The following PARVB variants were observed in gnomAD, a reference collection of about 807,000 sequenced individuals.
The protein encoded by PARVB is beta-parvin.
In PARVB, 46 loss-of-function variants were observed where a neutral mutation model predicts 47.0. The observed-to-expected ratio is 0.98, with a 90% CI of 0.77 to 1.25. The LOEUF is 1.25. PARVB is among the 50% of genes most tolerant of loss of function. The pLI is 0.00. For missense variants in PARVB, 473 were observed against 471.6 expected (o/e 1.00, Z -0.03); for synonymous variants, 196 against 196.3 (o/e 1.00, Z 0.01).
chr22:44,016,693 T>TC (rs2050586955), intron 2 of PARVB, among the ~76,000 whole-genome samples: 1 of 152,168 alleles, frequency 6.6e-6, no homozygotes, highest in South Asian at 2.1e-4. Context: ...GGGTCTTTTT[T>TC]CCCCTGGGGC....
chr22:44,021,204 C>T (rs193021581), upstream of PARVB, among the ~76,000 whole-genome samples: 2 of 152,296 alleles, frequency 1.3e-5, no homozygotes, highest in East Asian at 3.9e-4. Context: ...TGGTGAAGCC[C>T]CGCAAGGCCT....
chr22:44,078,777 T>C (rs1601569062), intron 1 of PARVB, among the ~76,000 whole-genome samples: 1 of 152,226 alleles, frequency 6.6e-6, no homozygotes, highest in East Asian at 1.9e-4. Flanking sequence ...CAGGCTGGAG[T>C]GCAATGGCGA....
chr22:44,073,598 T>C (rs182937716), intron 1 of PARVB, among the ~76,000 whole-genome samples: 32 of 152,160 alleles, frequency 2.1e-4, no homozygotes, highest in African/African-American at 7.5e-4. Context: ...AGATGAAAGG[T>C]GTCACTGTCC....
chr22:44,129,486 G>A (rs1254730592), intron 4 of PARVB, among the ~76,000 whole-genome samples: 3 of 152,162 alleles, frequency 2.0e-5, no homozygotes, highest in South Asian at 2.1e-4. Context: ...CAGGTGCAAC[G>A]GGGGCGCGTC....
intron 1 of PARVB, among the ~76,000 whole-genome samples, chr22:44,041,632 T>G (rs1435793537): frequency 6.6e-6 from 1 of 152,146 alleles, no homozygotes; most frequent in African/African-American, 2.4e-5. Flanking sequence ...GCCTGTAATC[T>G]CAGCACTTTA....
upstream of PARVB, among the ~76,000 whole-genome samples, chr22:44,020,070 G>A (rs1053341029): frequency 7.9e-5 from 12 of 152,136 alleles, no homozygotes; most frequent in South Asian, 2.1e-4. Context: ...GTTCTGCAGC[G>A]GCGCCAGCTG....
At chr22:44,146,100 T>G (rs1201410108) in intron 8 of PARVB, 1 of 148,398 alleles carries the variant, frequency 6.7e-6, no homozygotes, top group Non-Finnish European at 1.5e-5. Flanking sequence ...CACGCACACA[T>G]GCGCTCACAC....
At chr22:44,030,797 AT>A (rs1187504767) in intron 1 of PARVB, among the ~76,000 whole-genome samples, 3 of 151,796 alleles carry the variant, frequency 2.0e-5, no homozygotes, top group Non-Finnish European at 4.4e-5. Context: ...CTTTTGGACG[AT>A]TTTTCAGACT....
At chr22:44,055,454 C>G (rs902939913) in intron 1 of PARVB, among the ~76,000 whole-genome samples, 1 of 151,950 alleles carries the variant, frequency 6.6e-6, no homozygotes, top group Non-Finnish European at 1.5e-5. Flanking sequence ...CCTGCCTCAG[C>G]CTCCCCAGTA....
In PARVB at chr22:44,088,320, G is replaced by A. The variant is rs554280736; in HGVS notation, c.113-5608G>A. ...CCCAGGAGGGCTTCTTGGAGGAGGC[G>A]GCCAGTAAGATGAGGTTGAAGATAG... On this transcript the variant is annotated intron_variant, in intron 1 of 12. Coordinates refer to ENST00000338758, the MANE Select transcript of PARVB (RefSeq NM_013327.5). Among the ~76,000 whole-genome samples the A allele has an allele frequency of 3.3e-5, 5 of 152,234 alleles. No homozygotes were observed. In the East Asian group the frequency reaches 7.7e-4, roughly 24 times the overall value.
chr22:44,024,573 T>C, intron 1 of PARVB, 122 bp downstream of exon 1: 3 of 358,678 alleles, frequency 8.4e-6, no homozygotes, highest in Non-Finnish European at 1.2e-5. Flanking sequence ...CCCACGCGGC[T>C]GCGCGACCTT....
At chr22:44,017,233 AG>A in intron 2 of PARVB, among the ~76,000 whole-genome samples, 1 of 152,196 alleles carries the variant, frequency 6.6e-6, no homozygotes, top group Non-Finnish European at 1.5e-5. Flanking sequence ...AGTTTTTCAT[AG>A]TGTTAAATAA....
At chr22:44,151,605 T>A (rs1417719131) in intron 10 of PARVB, 54 bp downstream of exon 10, 1 of 1,396,752 alleles carries the variant, frequency 7.2e-7, no homozygotes, top group East Asian at 2.3e-5. Flanking sequence ...TTTCAGTCAG[T>A]GTTTTGATCC....
At chr22:44,086,936 C>A in intron 1 of PARVB, 1 of 586,828 alleles carries the variant, frequency 1.7e-6, no homozygotes, top group Non-Finnish European at 2.1e-6. Context: ...CGAAGGATCC[C>A]GATGCCCCCT....
chr22:43,999,658 T>A, exon 2 of PARVB: 1 of 1,612,846 alleles, frequency 6.2e-7, no homozygotes, highest in East Asian at 2.2e-5. Flanking sequence ...AACATCTGAA[T>A]ATGCTCAAGG....
Position 44,163,844 on chromosome 22 carries a change from C to T in PARVB, c.946-14C>T, listed in dbSNP as rs1465189166. 6.2e-7 allele frequency: 1 copy of T among 1,601,256 alleles called. No individual in the cohort carries two copies. The highest frequency in any genetic ancestry group is 1.7e-5 in the Admixed American group (1 of 58,538). On this transcript the variant is annotated splice_polypyrimidine_tract_variant and intron_variant, in intron 11 of 12. Transcript: ENST00000338758. Reference sequence around the variant, plus strand: ...GTTGGACCCTAACGCTGACCCACCCCCCTTCCTTGGCAGGTCCACAATGTG... The same window carrying T: ...GTTGGACCCTAACGCTGACCCACCCTCCTTCCTTGGCAGGTCCACAATGTG...
chr22:44,077,845 C>T (rs2051812195), intron 1 of PARVB, among the ~76,000 whole-genome samples: 1 of 151,992 alleles, frequency 6.6e-6, no homozygotes, highest in Non-Finnish European at 1.5e-5. Context: ...TTACAGGCAC[C>T]TACCATGACA....
chr22:44,134,023 C>T (rs1027286592), intron 6 of PARVB, among the ~76,000 whole-genome samples: 5 of 152,178 alleles, frequency 3.3e-5, no homozygotes, highest in Admixed American at 6.5e-5. Flanking sequence ...AGGTCACGCT[C>T]GGAACCTTGG....
intron 2 of PARVB, among the ~76,000 whole-genome samples, chr22:44,003,695 C>G (rs1015545209): frequency 6.6e-6 from 1 of 152,140 alleles, no homozygotes; most frequent in Admixed American, 6.6e-5. Context: ...GTGGAAAGAG[C>G]CTGTGTTTAG....
Sources: allele counts gnomAD v4.1 joint callset (sites outside exome capture counted in the v4.1 genomes callset), GRCh38; gene constraint gnomAD v4.1.1; transcripts MANE v1.5; gene names NCBI Gene and HGNC (gene_info 2026-07-23, HGNC 2026-07-21).